The following EXOC4 variants were observed in gnomAD, a reference collection of about 807,000 sequenced individuals.
EXOC4 encodes the protein SEC8-like 1.
A neutral mutation model predicts 107.2 loss-of-function variants in EXOC4; 71 were observed. The ratio of observed to expected loss-of-function variants is 0.66; its 90% CI spans 0.55 to 0.81. The LOEUF (loss-of-function observed/expected upper bound fraction) is 0.81. Ranked by LOEUF, EXOC4 falls within the 30% of genes least tolerant of loss-of-function variation. EXOC4 has a pLI of 0.00. For missense variants in EXOC4, 1,108 were observed against 1,189.6 expected (o/e 0.93, Z 1.01); for synonymous variants, 456 against 441.2 (o/e 1.03, Z -0.42).
intron 10 of EXOC4, among the ~76,000 whole-genome samples, chr7:133,808,732 T>G (rs1797142461): frequency 1.3e-5 from 2 of 152,122 alleles, no homozygotes; most frequent in Non-Finnish European, 2.9e-5. Flanking sequence ...GGCCCATGTC[T>G]GGGGGTGGAT....
rs1479993735 is a variant in EXOC4 at position 133,300,371 on chromosome 7, T to A, written c.472-5506T>A. Among the ~76,000 whole-genome samples, 5 of 152,226 alleles carry A rather than the reference T, an allele frequency of 3.3e-5. No individual in the cohort carries two copies. In the East Asian group the frequency reaches 9.6e-4, roughly 29 times the overall value. On this transcript the variant is annotated intron_variant, in intron 3 of 17. Transcript: ENST00000253861. ...GGAGCCAGACACATCATCTTAGTCT[T>A]CTCCAGTGAAACTGAAATCAGAGGT...
chr7:134,095,106 T>G, the EXOC4 span, among the ~76,000 whole-genome samples: 1 of 152,046 alleles, frequency 6.6e-6, no homozygotes, highest in Non-Finnish European at 1.5e-5. Context: ...TCAGCAAAGT[T>G]TCAGGCTACA....
At chr7:133,444,758 A>G (rs573252696) in intron 7 of EXOC4, among the ~76,000 whole-genome samples, 1 of 152,228 alleles carries the variant, frequency 6.6e-6, no homozygotes, top group Admixed American at 6.5e-5. Flanking sequence ...GCTATGTTAA[A>G]TGTGGGATGC....
chr7:133,311,463 A>G (rs1271897068), intron 4 of EXOC4, among the ~76,000 whole-genome samples: 1 of 152,200 alleles, frequency 6.6e-6, no homozygotes, highest in African/African-American at 2.4e-5. Context: ...GCTATTTAAT[A>G]TATAGTGTTC....
the EXOC4 span, among the ~76,000 whole-genome samples, chr7:134,081,265 C>T: frequency 6.6e-6 from 1 of 152,122 alleles, no homozygotes; most frequent in Non-Finnish European, 1.5e-5. Flanking sequence ...ATCACTTGAG[C>T]CCAGGGGGTG....
At chr7:133,634,769 A>G (rs758435461) in intron 10 of EXOC4, among the ~76,000 whole-genome samples, 14 of 152,220 alleles carry the variant, frequency 9.2e-5, no homozygotes, top group Non-Finnish European at 1.6e-4. Context: ...GGTGTGAGCC[A>G]CTATGCTCAG....
intron 5 of EXOC4, among the ~76,000 whole-genome samples, chr7:133,325,379 T>G (rs972195612): frequency 6.6e-6 from 1 of 152,228 alleles, no homozygotes; most frequent in African/African-American, 2.4e-5. Context: ...TAGTGCTTCC[T>G]TCAGGAGCTC....
At chr7:134,038,162 G>A (rs1247916444) in intron 17 of EXOC4, among the ~76,000 whole-genome samples, 3 of 152,194 alleles carry the variant, frequency 2.0e-5, no homozygotes, top group Admixed American at 6.5e-5. Flanking sequence ...ATAAGGATTA[G>A]CATATCTGGC....
chr7:133,978,716 G>A (rs189221936), intron 14 of EXOC4, among the ~76,000 whole-genome samples: 54 of 152,338 alleles, frequency 3.5e-4, no homozygotes, highest in Middle Eastern at 3.4e-3. Flanking sequence ...GGAAGCAGCT[G>A]TCTGCAGGAG....
At chr7:133,345,293 A>G (rs945220943) in intron 5 of EXOC4, among the ~76,000 whole-genome samples, 3 of 152,174 alleles carry the variant, frequency 2.0e-5, no homozygotes, top group African/African-American at 7.2e-5. Flanking sequence ...CCAGAAACTG[A>G]TAGAGATTCT....
chr7:133,275,816 CTTT>C (rs752074940), intron 2 of EXOC4, among the ~76,000 whole-genome samples: 7 of 139,690 alleles, frequency 5.0e-5, no homozygotes, highest in Non-Finnish European at 9.4e-5. Flanking sequence ...CAATTTTTTT[CTTT>C]TTTTTTTTTT....
At position 133,328,976 on chromosome 7, in the gene EXOC4, T is replaced by C. The variant is rs1014129632; in HGVS notation, c.763+11586T>C. On this transcript the variant is annotated intron_variant, in intron 5 of 17. Coordinates refer to ENST00000253861, the MANE Select transcript of EXOC4 (RefSeq NM_021807.4). ...TTGAATGTTGGCCTGTCTTGCTAGGTTGGGGAAGTTCTCCTGGATAATATC... is the reference window on the plus strand; with the variant it reads ...TTGAATGTTGGCCTGTCTTGCTAGGCTGGGGAAGTTCTCCTGGATAATATC... Among the ~76,000 whole-genome samples the C allele has an allele frequency of 4.6e-5, 7 of 152,154 alleles. No individual in the cohort carries two copies. In the East Asian group the frequency reaches 1.3e-3, roughly 29 times the overall value.
Position 133,480,065 on chromosome 7 carries a change from C to T in EXOC4, c.1344C>T (p.Ser448=). The T allele has an allele frequency of 6.2e-7, 1 of 1,613,902 alleles. No individual in the cohort carries two copies. Among genetic ancestry groups the T allele is most frequent in the East Asian group, 2.2e-5 (1 of 44,868 alleles). ...TTCTCTGCAGGTTCGAATCGTCCTC[C>T]CATGCCATCAGTATGAGCGCCTATC... ...KNSLFKFESS[S]HAISMSAYLR... is the part of the protein sequence containing the mutation. The change falls in exon 9 of 18, where the codon TCC becomes TCT. Residue 448 remains serine, a synonymous_variant. Coordinates refer to ENST00000253861, the MANE Select transcript of EXOC4 (RefSeq NM_021807.4).
intron 9 of EXOC4, among the ~76,000 whole-genome samples, chr7:133,483,874 A>G (rs768071876): frequency 1.3e-4 from 20 of 152,196 alleles, no homozygotes; most frequent in Non-Finnish European, 2.5e-4. Flanking sequence ...AAGGACCACA[A>G]TGAGATCTGC....
intron 10 of EXOC4, among the ~76,000 whole-genome samples, chr7:133,754,005 T>G (rs994707869): frequency 1.3e-5 from 2 of 152,230 alleles, no homozygotes; most frequent in East Asian, 1.9e-4. Context: ...ACATCTTTGA[T>G]GCCCACAATA....
At chr7:133,317,214 T>C in intron 4 of EXOC4, 70 bp from the exon 5 acceptor site, 1 of 1,017,914 alleles carries the variant, frequency 9.8e-7, no homozygotes. Flanking sequence ...GTGGTAAGGG[T>C]GGGGCTGTAG....
intron 10 of EXOC4, among the ~76,000 whole-genome samples, chr7:133,747,314 G>A (rs1402356982): frequency 6.6e-5 from 10 of 152,100 alleles, no homozygotes; most frequent in Admixed American, 6.6e-4. Context: ...ACACCTAAAA[G>A]TAATTACTAT....
intron 5 of EXOC4, among the ~76,000 whole-genome samples, chr7:133,342,239 G>A (rs541198874): frequency 7.9e-5 from 12 of 152,124 alleles, no homozygotes; most frequent in African/African-American, 1.4e-4. Flanking sequence ...TAGTAGTGGC[G>A]AATTCTCTTA....
chr7:133,938,687 A>C (rs1359559529), intron 14 of EXOC4, among the ~76,000 whole-genome samples: 1 of 152,256 alleles, frequency 6.6e-6, no homozygotes, highest in African/African-American at 2.4e-5. Flanking sequence ...ACTTTAGGGC[A>C]CATAAACTTT....
Sources: gnomAD v4.1 joint callset for allele counts (sites outside exome capture counted in the v4.1 genomes callset) on GRCh38, gnomAD v4.1.1 for gene constraint, MANE v1.5 for transcripts, NCBI Gene and HGNC (gene_info 2026-07-23, HGNC 2026-07-21) for gene names.